Variants in LMBRD2 observed in about 807,000 individuals in gnomAD.
The protein encoded by LMBRD2 is LMBR1 domain containing 2.
Under a neutral mutation model 94.4 loss-of-function variants are expected in LMBRD2, and 55 were observed. The ratio of observed to expected loss-of-function variants is 0.58; its 90% CI spans 0.47 to 0.73. The LOEUF (loss-of-function observed/expected upper bound fraction) is 0.73. Ranked by LOEUF, LMBRD2 falls within the 30% of genes least tolerant of loss-of-function variation. LMBRD2 has a pLI of 0.00. For synonymous variants in LMBRD2, 246 were observed against 272.4 expected (o/e 0.90, Z 0.95); for missense variants, 640 against 831.9 (o/e 0.77, Z 2.84).
In LMBRD2 at chr5:36,105,106, T is replaced by G; in HGVS notation, c.1989A>C (p.Glu663Asp). The part of the protein sequence containing the change: ...QDAEPLDFNA[E>D]TFTDDPLESE... The stretch of plus-strand genomic sequence containing the variant: ...ATTCAAGAGGATCATCAGTGAATGT[T>G]TCTGCATTAAAATCCAAAGGTTCTG... The change falls in exon 17 of 18, where the codon GAA (glutamate) becomes GAC (aspartate). Residue 663 changes from glutamate (E) to aspartate (D), a missense_variant. Transcript: ENST00000296603. 1 of 1,612,908 alleles carries G rather than the reference T, an allele frequency of 6.2e-7. No individual in the cohort carries two copies. The highest frequency in any genetic ancestry group is 8.5e-7 in the Non-Finnish European group (1 of 1,179,220).
chr5:36,129,300 C>T (rs540866284), intron 6 of LMBRD2, among the ~76,000 whole-genome samples: 1 of 152,074 alleles, frequency 6.6e-6, no homozygotes, highest in South Asian at 2.1e-4. Context: ...AAGACTATCT[C>T]AAGACATTTA....
At chr5:36,130,149 C>T (rs1579517265) in intron 6 of LMBRD2, among the ~76,000 whole-genome samples, 1 of 152,146 alleles carries the variant, frequency 6.6e-6, no homozygotes, top group Non-Finnish European at 1.5e-5. Context: ...AACAAACCTG[C>T]ACATTGTGCA....
chr5:36,147,845 A>G (rs933958409), intron 1 of LMBRD2: 1 of 420,924 alleles, frequency 2.4e-6, no homozygotes, highest in Non-Finnish European at 4.8e-6. Context: ...CAAACAAAAC[A>G]CTGACAACAA....
At chr5:36,132,430 A>C (rs75980904) in intron 6 of LMBRD2, among the ~76,000 whole-genome samples, 1 of 152,090 alleles carries the variant, frequency 6.6e-6, no homozygotes, top group Non-Finnish European at 1.5e-5. Flanking sequence ...ACCTACAAGC[A>C]CAGGCAATCT....
chr5:36,115,431 T>C (rs775948989), intron 11 of LMBRD2, among the ~76,000 whole-genome samples: 2 of 152,118 alleles, frequency 1.3e-5, no homozygotes, highest in Non-Finnish European at 2.9e-5. Context: ...ATCCGTAAAA[T>C]CCATCTCACA....
At chr5:36,133,488 G>T (rs1744200707) in intron 6 of LMBRD2, among the ~76,000 whole-genome samples, 1 of 152,006 alleles carries the variant, frequency 6.6e-6, no homozygotes, top group Non-Finnish European at 1.5e-5. Flanking sequence ...ATAACTAAAT[G>T]AATATAATTG....
At chr5:36,135,316 G>C (rs1257340407) in intron 6 of LMBRD2, among the ~76,000 whole-genome samples, 1 of 152,164 alleles carries the variant, frequency 6.6e-6, no homozygotes, top group Non-Finnish European at 1.5e-5. Context: ...TATATGTATA[G>C]TGCTTAGAAA....
intron 8 of LMBRD2, 138 bp from the exon 9 acceptor site, chr5:36,122,601 T>C (rs1743912769): frequency 1.1e-6 from 1 of 869,684 alleles, no homozygotes; most frequent in Non-Finnish European, 1.7e-6. Flanking sequence ...AGAATATTAA[T>C]GTTCCAAAAT....
chr5:36,115,027 A>T lies in LMBRD2; in HGVS notation c.1530T>A (p.Thr510=). ...SSISHKNTQP[T]AYTSIMGSMK... is the part of the protein sequence containing the mutation. ...TGACCGTACTTACAGATGTATAAGC[A>T]GTTGGTTGAGTATTCTTGTGAGAGA... is the stretch of plus-strand genomic sequence containing the variant. The change falls in exon 12 of 18, where the codon ACT becomes ACA. Residue 510 remains threonine, a synonymous_variant. Transcript: ENST00000296603. 2 of 1,588,048 alleles carry T rather than the reference A, an allele frequency of 1.3e-6. No homozygotes were observed. Among genetic ancestry groups the T allele is most frequent in the African/African-American group, 2.7e-5 (2 of 74,434 alleles).
intron 16 of LMBRD2, 113 bp downstream of exon 16, chr5:36,108,421 C>A (rs1743523757): frequency 4.0e-6 from 2 of 506,082 alleles, no homozygotes; most frequent in Non-Finnish European, 3.6e-6. Context: ...TGCAAATATA[C>A]CATTTATAAT....
At position 36,101,121 on chromosome 5, in the gene LMBRD2, G is replaced by A. The variant is rs1286031579; in HGVS notation, c.*2925C>T. The A allele has an allele frequency of 6.6e-6, 1 of 151,856 alleles. No homozygotes were observed. The highest frequency in any genetic ancestry group is 2.4e-5 in the African/African-American group (1 of 41,396). The allele number at this position is 151,856 out of a possible 1,614,324, so 9.4% of individuals were successfully genotyped here. A position where few individuals can be genotyped will look rare whatever the true frequency, so the allele number is the denominator to read the frequency against. On this transcript the variant is annotated 3_prime_UTR_variant, in exon 18 of 18. Coordinates refer to ENST00000296603, the MANE Select transcript of LMBRD2 (RefSeq NM_001007527.2). ...AGTTCTTACCATTTCTGTGAAATGA[G>A]GGCCTCTTATGCAATGAGATTATTC...
intron 3 of LMBRD2, among the ~76,000 whole-genome samples, chr5:36,141,832 C>A (rs1744417898): frequency 6.6e-6 from 1 of 152,080 alleles, no homozygotes; most frequent in African/African-American, 2.4e-5. Flanking sequence ...GTAGCTGCTG[C>A]TGATCTTTAT....
At chr5:36,106,677 T>C (rs1052334001) in intron 16 of LMBRD2, among the ~76,000 whole-genome samples, 10 of 151,990 alleles carry the variant, frequency 6.6e-5, no homozygotes, top group African/African-American at 2.2e-4. Context: ...GCCCAGCTAC[T>C]TTTTGTATTT....
chr5:36,151,037 G>A lies in LMBRD2; in HGVS notation c.-58+519C>T. On this transcript the variant is annotated intron_variant, in intron 1 of 17. Coordinates refer to ENST00000296603, the MANE Select transcript of LMBRD2 (RefSeq NM_001007527.2). This position sits in a 1 kb window ranked among gnomAD's most constrained non-coding sequence, Gnocchi z 4.7. Reference sequence around the variant, plus strand: ...CTTCCCTCTTCCACTGTTTTCCCGGGGTCACAGTTGTAGTATAGTTTGCCC... The same window carrying A: ...CTTCCCTCTTCCACTGTTTTCCCGGAGTCACAGTTGTAGTATAGTTTGCCC... 6.6e-6 allele frequency among the ~76,000 whole-genome samples: 1 copy of A among 152,090 alleles called. No homozygotes were observed. Among genetic ancestry groups the A allele is most frequent in the East Asian group, 1.9e-4 (1 of 5,188 alleles).
At chr5:36,106,000 A>C (rs1432299870) in intron 16 of LMBRD2, among the ~76,000 whole-genome samples, 1 of 152,178 alleles carries the variant, frequency 6.6e-6, no homozygotes. Context: ...ACATTTTTGT[A>C]AGCTTGGACT....
intron 6 of LMBRD2, among the ~76,000 whole-genome samples, chr5:36,133,355 G>A (rs1217652794): frequency 6.6e-6 from 1 of 151,948 alleles, no homozygotes; most frequent in African/African-American, 2.4e-5. Context: ...AGGGGTTATG[G>A]GTAGAGGGGA....
At chr5:36,148,552 C>T (rs1268937024) in intron 1 of LMBRD2, among the ~76,000 whole-genome samples, 1 of 152,152 alleles carries the variant, frequency 6.6e-6, no homozygotes, top group Non-Finnish European at 1.5e-5. Context: ...GAATAGCTAA[C>T]ATTTAGAATG....
intron 1 of LMBRD2, among the ~76,000 whole-genome samples, chr5:36,147,402 G>A (rs1744576015): frequency 6.6e-6 from 1 of 151,998 alleles, no homozygotes; most frequent in Admixed American, 6.5e-5. Flanking sequence ...AAAATGGGGA[G>A]GTAAATAAAA....
At chr5:36,114,922 G>T in intron 12 of LMBRD2, 93 bp downstream of exon 12, 1 of 805,010 alleles carries the variant, frequency 1.2e-6, no homozygotes, top group Non-Finnish European at 2.0e-6. Flanking sequence ...TAACACTATA[G>T]AACTTTTCTG....
Sources: allele counts gnomAD v4.1 joint callset (sites outside exome capture counted in the v4.1 genomes callset), GRCh38; gene constraint gnomAD v4.1.1; non-coding constraint Gnocchi (gnomAD v3.1); transcripts MANE v1.5; gene names NCBI Gene and HGNC (gene_info 2026-07-23, HGNC 2026-07-21).